AP3B1: variants seen among roughly 807,000 people sequenced by gnomAD.
The protein encoded by AP3B1 is AP-3 complex subunit beta-1.
A neutral mutation model predicts 132.5 loss-of-function variants in AP3B1; 61 were observed. The ratio of observed to expected loss-of-function variants is 0.46; its 90% CI spans 0.37 to 0.57. AP3B1 has a LOEUF of 0.57. Among genes scored for constraint, AP3B1 ranks in the 20% least tolerant of loss-of-function variants. The probability of loss-of-function intolerance (pLI) is 0.00; values close to 1 mark genes in which losing one functional copy is unlikely to be tolerated. For synonymous variants in AP3B1, 388 were observed against 438.3 expected (o/e 0.89, Z 1.43); for missense variants, 1,120 against 1,289.4 (o/e 0.87, Z 2.01).
At chr5:78,272,385 T>G (rs1210092605) in intron 1 of AP3B1, among the ~76,000 whole-genome samples, 1 of 152,308 alleles carries the variant, frequency 6.6e-6, no homozygotes, top group East Asian at 1.9e-4. Flanking sequence ...AGAATAAACC[T>G]CTTCAATTAT....
intron 14 of AP3B1, among the ~76,000 whole-genome samples, chr5:78,153,195 T>C (rs556366472): frequency 2.6e-5 from 4 of 152,326 alleles, no homozygotes; most frequent in Non-Finnish European, 4.4e-5. Context: ...CTAGTAACAT[T>C]TGCTTTATAT....
Position 78,141,204 on chromosome 5 carries a change from T to A in AP3B1, c.1589A>T (p.Asp530Val). The change falls in exon 15 of 27, where the codon GAT becomes GTT. Residue 530 changes from aspartate to valine, a missense_variant. Physicochemically the swap from Asp to Val is radical, Grantham distance 152. This residue lies in a region of AP3B1 where 906 missense variants were observed against 997.1 expected (regional missense o/e 0.91). Transcript: ENST00000255194. ...KMAKSFTSED[D>V]LVKLQILNLG... is the part of the protein sequence containing the mutation. ...ATTTAATATCTGCAGTTTTACCAGA[T>A]CATCTTCACTAGTGAAGCTTTTAGC... 1 of 1,613,912 alleles carries A rather than the reference T, an allele frequency of 6.2e-7. No homozygotes were observed. Among genetic ancestry groups the A allele is most frequent in the Non-Finnish European group, 8.5e-7 (1 of 1,179,810 alleles).
At chr5:78,145,600 T>C (rs762759710) in intron 14 of AP3B1, among the ~76,000 whole-genome samples, 10 of 152,188 alleles carry the variant, frequency 6.6e-5, no homozygotes, top group Non-Finnish European at 1.2e-4. Flanking sequence ...AAGGAGGCAA[T>C]TAACTTCACC....
intron 7 of AP3B1, among the ~76,000 whole-genome samples, chr5:78,207,599 T>A (rs1260782738): frequency 6.6e-6 from 1 of 151,718 alleles, no homozygotes; most frequent in Non-Finnish European, 1.5e-5. Flanking sequence ...AAAAGAAAAT[T>A]CCCTAAAATA....
At chr5:78,240,830 G>A (rs1212712111) in intron 3 of AP3B1, 32 bp downstream of exon 3, 5 of 1,465,388 alleles carry the variant, frequency 3.4e-6, no homozygotes, top group Non-Finnish European at 3.8e-6. Context: ...GAAAACAAAA[G>A]GAATCATAAA....
At chr5:78,099,756 G>A (rs1046993126) in intron 21 of AP3B1, among the ~76,000 whole-genome samples, 1 of 152,000 alleles carries the variant, frequency 6.6e-6, no homozygotes, top group Non-Finnish European at 1.5e-5. Flanking sequence ...AAAATTAGCT[G>A]GGCGTGATGG....
At chr5:78,232,305 T>C (rs74465291) in intron 3 of AP3B1, among the ~76,000 whole-genome samples, 1 of 152,162 alleles carries the variant, frequency 6.6e-6, no homozygotes, top group Admixed American at 6.5e-5. Context: ...TTAAACCTGT[T>C]CTACAGAACA....
At chr5:78,200,351 G>A (rs762542592) in intron 7 of AP3B1, among the ~76,000 whole-genome samples, 10 of 152,004 alleles carry the variant, frequency 6.6e-5, no homozygotes, top group Non-Finnish European at 1.2e-4. Flanking sequence ...GAGGATAAAA[G>A]GACTAAGTTT....
chr5:78,106,219 AG>A (rs1751328003), intron 20 of AP3B1, among the ~76,000 whole-genome samples: 5 of 152,142 alleles, frequency 3.3e-5, no homozygotes, highest in Admixed American at 2.6e-4. Flanking sequence ...GCACTTTGGG[AG>A]GCTGAGGTGG....
chr5:78,261,529 G>A (rs374319093), intron 2 of AP3B1, among the ~76,000 whole-genome samples: 2 of 152,120 alleles, frequency 1.3e-5, no homozygotes, highest in Non-Finnish European at 2.9e-5. Context: ...GCAATGGCAC[G>A]ACCTCGGCTC....
intron 1 of AP3B1, among the ~76,000 whole-genome samples, chr5:78,281,383 A>G (rs10942843): frequency 0.22 from 33,403 of 149,862 alleles, 4,384 homozygotes; most frequent in Middle Eastern, 0.3. Flanking sequence ...GCAGTGAGCC[A>G]AGATCGTGCC....
intron 25 of AP3B1, among the ~76,000 whole-genome samples, chr5:78,018,267 C>T (rs1050939504): frequency 6.6e-6 from 1 of 151,710 alleles, no homozygotes; most frequent in Admixed American, 6.6e-5. Context: ...TATACATAAC[C>T]GTCAATACGT....
chr5:78,150,241 A>G (rs2112344185), intron 14 of AP3B1, among the ~76,000 whole-genome samples: 1 of 152,358 alleles, frequency 6.6e-6, no homozygotes, highest in African/African-American at 2.4e-5. Flanking sequence ...AAGCAAACAC[A>G]ATGGAGAAGA....
At chr5:78,192,650 G>T (rs370405305) in intron 7 of AP3B1, among the ~76,000 whole-genome samples, 1 of 152,026 alleles carries the variant, frequency 6.6e-6, no homozygotes, top group Admixed American at 6.6e-5. Context: ...TCCAAAAAAA[G>T]AAAGAAAGAA....
intron 3 of AP3B1, among the ~76,000 whole-genome samples, chr5:78,234,725 T>C (rs868659579): frequency 6.6e-6 from 1 of 152,220 alleles, no homozygotes; most frequent in African/African-American, 2.4e-5. Context: ...CTTATTACAT[T>C]GCTTGGCATA....
chr5:78,062,978 G>T (rs1749124319), intron 22 of AP3B1, among the ~76,000 whole-genome samples: 1 of 152,172 alleles, frequency 6.6e-6, no homozygotes, highest in Admixed American at 6.5e-5. Flanking sequence ...TCCCTGAAAT[G>T]TCTCTCGGTT....
intron 7 of AP3B1, among the ~76,000 whole-genome samples, chr5:78,207,907 A>G (rs1173859913): frequency 6.6e-6 from 1 of 152,192 alleles, no homozygotes; most frequent in Non-Finnish European, 1.5e-5. Context: ...TCAAATGCAC[A>G]AGGCCTAAGA....
At chr5:78,115,080 A>G (rs2112262981) in intron 18 of AP3B1, among the ~76,000 whole-genome samples, 1 of 152,360 alleles carries the variant, frequency 6.6e-6, no homozygotes, top group South Asian at 2.1e-4. Context: ...TACAAACAGG[A>G]AAGTTTATTT....
At position 78,141,348 on chromosome 5, in the gene AP3B1, G is replaced by A. The variant is rs778228951; in HGVS notation, c.1474-29C>T. Reference sequence around the variant, plus strand: ...ATATGAGAAGCAGATTACATAGTTAGAAGTAAGTTAATCATACTCTAATAT... The same window carrying A: ...ATATGAGAAGCAGATTACATAGTTAAAAGTAAGTTAATCATACTCTAATAT... On this transcript the variant is annotated intron_variant, in intron 14 of 26. Coordinates refer to ENST00000255194, the MANE Select transcript of AP3B1 (RefSeq NM_003664.5). 5.7e-6 allele frequency: 9 copies of A among 1,580,878 alleles called. No individual in the cohort carries two copies. In the East Asian group the frequency reaches 1.8e-4, roughly 31 times the overall value.
Sources: allele counts gnomAD v4.1 joint callset (sites outside exome capture counted in the v4.1 genomes callset), GRCh38; gene constraint gnomAD v4.1.1; regional missense constraint gnomAD v4.1.1; transcripts MANE v1.5; gene names NCBI Gene and HGNC (gene_info 2026-07-23, HGNC 2026-07-21).